SCGB1D2: variants seen among roughly 807,000 people sequenced by gnomAD.
The protein encoded by SCGB1D2 is lipophilin-B.
In SCGB1D2, 10 loss-of-function variants were observed where a neutral mutation model predicts 10.5. That is an observed-to-expected ratio of 0.95 (90% CI 0.59 to 1.61). The LOEUF (loss-of-function observed/expected upper bound fraction) is 1.61, where lower values mean the gene tolerates loss of function less well. Among genes scored for constraint, SCGB1D2 ranks in the 40% most tolerant of loss-of-function variants. The probability of loss-of-function intolerance (pLI) is 0.00; values close to 1 mark genes in which losing one functional copy is unlikely to be tolerated. For synonymous variants in SCGB1D2, 42 were observed against 42.8 expected, an observed-to-expected ratio of 0.98 and a Z score of 0.08; for missense variants, 113 against 103.8, an observed-to-expected ratio of 1.09 and a Z score of -0.38.
chr11:62,244,626 G>A (rs370887706), intron 2 of SCGB1D2, 44 bp from the exon 3 acceptor site: 36 of 1,586,196 alleles, frequency 2.3e-5, no homozygotes, highest in Non-Finnish European at 2.8e-5. Flanking sequence ...ACCTCCAGCA[G>A]CAGCATGACT....
In SCGB1D2 at chr11:62,244,024, G is replaced by A. The variant is rs374173321; in HGVS notation, c.243+548G>A. Among the ~76,000 whole-genome samples the A allele has an allele frequency of 1.3e-4, 20 of 152,174 alleles. No homozygotes were observed. The East Asian group carries it at 2.5e-3, about 19-fold the overall frequency. On this transcript the variant is annotated intron_variant, in intron 2 of 2. Transcript: ENST00000244926. Reference sequence around the variant, plus strand: ...ACCCCATACTCCCCTCCACACCCACGACACTCTCCTGACCATGGCCAGTCG... The same window carrying A: ...ACCCCATACTCCCCTCCACACCCACAACACTCTCCTGACCATGGCCAGTCG...
rs191720765 is a variant in SCGB1D2, at chr11:62,242,783, A to G, written c.55+421A>G. ...TGAGAATGGAGTAAGAAAGATTAATACTGTCAAAAGAGTCTAGCTGTGGGC... is the reference window on the plus strand; with the variant it reads ...TGAGAATGGAGTAAGAAAGATTAATGCTGTCAAAAGAGTCTAGCTGTGGGC... On this transcript the variant is annotated intron_variant, in intron 1 of 2. Coordinates refer to ENST00000244926, the MANE Select transcript of SCGB1D2 (RefSeq NM_006551.4). 3.4e-3 allele frequency among the ~76,000 whole-genome samples: 516 copies of G among 152,312 alleles called. 3 individuals are homozygous for G. Among genetic ancestry groups the G allele is most frequent in the African/African-American group, 0.012 (503 of 41,562 alleles).
At chr11:62,244,621 C>A in intron 2 of SCGB1D2, 49 bp from the exon 3 acceptor site, 1 of 1,570,214 alleles carries the variant, frequency 6.4e-7, no homozygotes, top group Non-Finnish European at 8.7e-7. Flanking sequence ...CTGTCACCTC[C>A]AGCAGCAGCA....
chr11:62,242,481 T>C lies in SCGB1D2; in HGVS notation c.55+119T>C, dbSNP rs1620121. On this transcript the variant is annotated intron_variant, in intron 1 of 2. Transcript: ENST00000244926. The stretch of plus-strand genomic sequence containing the variant: ...ACAAAACCAAAATTCCAAACCTTTT[T>C]CTGTGCTTGTTGAACAAGCCCCTCA... The C allele has an allele frequency of 4.8e-4, 448 of 931,736 alleles. 1 individual carries two copies. In the African/African-American group the frequency reaches 6.9e-3, roughly 14 times the overall value. The allele number at this position is 931,736 out of a possible 1,614,324, so 57.7% of individuals were successfully genotyped here.
At position 62,243,286 on chromosome 11, in the gene SCGB1D2, C is replaced by T. The variant is rs370106308; in HGVS notation, c.56-3C>T. Reference sequence around the variant, plus strand: ...CAACTATATTTTTATTCTTTTGCTGCAGCCAATGCCGAGTTCTGCCCAGCT... The same window carrying T: ...CAACTATATTTTTATTCTTTTGCTGTAGCCAATGCCGAGTTCTGCCCAGCT... On this transcript the variant is annotated splice_polypyrimidine_tract_variant and splice_region_variant and intron_variant, in intron 1 of 2. Transcript: ENST00000244926. The T allele has an allele frequency of 1.9e-6, 3 of 1,606,524 alleles. No homozygotes were observed. In the African/African-American group the frequency reaches 4.0e-5, roughly 22 times the overall value.
intron 1 of SCGB1D2, among the ~76,000 whole-genome samples, chr11:62,242,909 G>A (rs1218086581): frequency 1.3e-5 from 2 of 152,162 alleles, no homozygotes; most frequent in Non-Finnish European, 2.9e-5. Flanking sequence ...GCAACGTGGC[G>A]AAACTCCAGC....
intron 2 of SCGB1D2, among the ~76,000 whole-genome samples, chr11:62,243,716 C>T (rs1265537424): frequency 6.6e-6 from 1 of 152,086 alleles, no homozygotes. Flanking sequence ...GATGCCATGT[C>T]CCCAGAGTGT....
rs146046087 is a variant in SCGB1D2 at position 62,243,303 on chromosome 11, T to C, written c.70T>C (p.Cys24Arg). 776 of 1,612,880 alleles carry C rather than the reference T, an allele frequency of 4.8e-4. 3 individuals carry two copies. Among genetic ancestry groups the C allele is most frequent in the Non-Finnish European group, 5.9e-4 (699 of 1,179,276 alleles). Residue 24 changes from cysteine to arginine, a missense_variant, in exon 2 of 3, where the codon TGC (cysteine) becomes CGC (arginine). Coordinates refer to ENST00000244926, the MANE Select transcript of SCGB1D2 (RefSeq NM_006551.4). ...LCCYQANAEFCPALVSELLDF... is the reference protein window; with the variant it reads ...LCCYQANAEFRPALVSELLDF... ...TTTTGCTGCAGCCAATGCCGAGTTC[T>C]GCCCAGCTCTTGTTTCTGAGCTGTT...
intron 1 of SCGB1D2, 53 bp downstream of exon 1, chr11:62,242,415 C>A: frequency 6.3e-7 from 1 of 1,580,444 alleles, no homozygotes; most frequent in Non-Finnish European, 8.7e-7. Context: ...CACCCTCTTC[C>A]AAGCACGAGG....
At chr11:62,242,502 C>A in intron 1 of SCGB1D2, 140 bp downstream of exon 1, 1 of 756,084 alleles carries the variant, frequency 1.3e-6, no homozygotes, top group East Asian at 2.7e-5. Flanking sequence ...TGAACAAGCC[C>A]CTCATCAAGT....
chr11:62,243,336 T>C lies in SCGB1D2; in HGVS notation c.103T>C (p.Phe35Leu). Residue 35 changes from phenylalanine to leucine, a missense_variant, in exon 2 of 3, where the codon TTC becomes CTC. Physicochemically the swap from Phe to Leu is conservative, Grantham distance 22. Coordinates refer to ENST00000244926, the MANE Select transcript of SCGB1D2 (RefSeq NM_006551.4). Reference sequence around the variant, plus strand: ...TCTTGTTTCTGAGCTGTTAGACTTCTTCTTCATTAGTGAACCTCTGTTCAA... The same window carrying C: ...TCTTGTTTCTGAGCTGTTAGACTTCCTCTTCATTAGTGAACCTCTGTTCAA... ...PALVSELLDF[F>L]FISEPLFKLS... 6.2e-7 allele frequency: 1 copy of C among 1,614,122 alleles called. No individual in the cohort carries two copies. The highest frequency in any genetic ancestry group is 8.5e-7 in the Non-Finnish European group (1 of 1,179,966).
rs1428886441 is a variant in SCGB1D2 at position 62,243,386 on chromosome 11, C to A, written c.153C>A (p.Ala51=). The A allele has an allele frequency of 1.9e-6, 3 of 1,613,948 alleles. No homozygotes were observed. The Admixed American group carries it at 5.0e-5, about 27-fold the overall frequency. The change falls in exon 2 of 3, where the codon GCC becomes GCA. Residue 51 remains alanine, a synonymous_variant. Transcript: ENST00000244926. The part of the protein sequence containing the change: ...LFKLSLAKFD[A]PPEAVAAKLG... ...AGTTAAGTCTTGCCAAATTTGATGCCCCTCCGGAAGCTGTTGCAGCCAAGT... is the reference window on the plus strand; with the variant it reads ...AGTTAAGTCTTGCCAAATTTGATGCACCTCCGGAAGCTGTTGCAGCCAAGT...
Position 62,244,778 on chromosome 11 carries a change from C to T in SCGB1D2, c.*79C>T, listed in dbSNP as rs1222773668. The T allele has an allele frequency of 7.2e-6, 9 of 1,243,678 alleles. No individual in the cohort carries two copies. Among genetic ancestry groups the T allele is most frequent in the South Asian group, 1.3e-5 (1 of 79,528 alleles). 77.0% of individuals were successfully genotyped at this position (1,243,678 alleles called of 1,614,324 possible). ...TCACTGCAGAATGTAAAGGTTTCAACGTCTTGCTTTAATAAATCACTTGCT... is the reference window on the plus strand; with the variant it reads ...TCACTGCAGAATGTAAAGGTTTCAATGTCTTGCTTTAATAAATCACTTGCT... On this transcript the variant is annotated 3_prime_UTR_variant, in exon 3 of 3. Transcript: ENST00000244926.
At chr11:62,243,201 AG>A in intron 1 of SCGB1D2, 87 bp from the exon 2 acceptor site, 1 of 1,036,438 alleles carries the variant, frequency 9.6e-7, no homozygotes, top group Non-Finnish European at 1.4e-6. Context: ...CATATAACCC[AG>A]GGGATCCTGT....
chr11:62,242,581 G>A (rs7481101), intron 1 of SCGB1D2, among the ~76,000 whole-genome samples: 7 of 152,176 alleles, frequency 4.6e-5, no homozygotes, highest in Admixed American at 6.5e-5. Context: ...GCAAATATTA[G>A]GAATTCTTCT....
intron 1 of SCGB1D2, among the ~76,000 whole-genome samples, chr11:62,242,725 A>G (rs1945073586): frequency 6.6e-6 from 1 of 152,112 alleles, no homozygotes; most frequent in African/African-American, 2.4e-5. Context: ...TCCTCCTATC[A>G]CTGGTAGTTA....
chr11:62,244,693 T>G lies in SCGB1D2; in HGVS notation c.267T>G (p.Ser89Arg). ...AGGTGAAAATATTGAAGAAATGTAG[T>G]GTGTGACATGTAAAAACTTTCATCC... ...EVLVKILKKC[S>R]V is the part of the protein sequence containing the mutation. Residue 89 changes from serine to arginine, a missense_variant, in exon 3 of 3, where the codon AGT becomes AGG. Ser to Arg is a moderately radical substitution (Grantham distance 110). Transcript: ENST00000244926. The G allele has an allele frequency of 6.2e-7, 1 of 1,613,046 alleles. No individual in the cohort carries two copies. Among genetic ancestry groups the G allele is most frequent in the Non-Finnish European group, 8.5e-7 (1 of 1,179,206 alleles).
intron 2 of SCGB1D2, among the ~76,000 whole-genome samples, chr11:62,244,204 C>T (rs1264369147): frequency 6.6e-6 from 1 of 152,192 alleles, no homozygotes; most frequent in Non-Finnish European, 1.5e-5. Flanking sequence ...CTCATGGAAG[C>T]TGCAGGCTCG....
At chr11:62,243,842 G>A (rs1945086069) in intron 2 of SCGB1D2, among the ~76,000 whole-genome samples, 2 of 152,210 alleles carry the variant, frequency 1.3e-5, no homozygotes, top group Non-Finnish European at 2.9e-5. Context: ...AATGGACACA[G>A]TCACTGTGGA....
Sources: allele counts gnomAD v4.1 joint callset (sites outside exome capture counted in the v4.1 genomes callset), GRCh38; gene constraint gnomAD v4.1.1; transcripts MANE v1.5; gene names NCBI Gene and HGNC (gene_info 2026-07-23, HGNC 2026-07-21).